The following SETBP1 variants were observed in gnomAD, a reference collection of about 807,000 sequenced individuals.
SETBP1 encodes SET binding protein 1.
Under a neutral mutation model 101.0 loss-of-function variants are expected in SETBP1, and 9 were observed. That is an observed-to-expected ratio of 0.09 (90% CI 0.05 to 0.16). SETBP1 has a LOEUF of 0.16. SETBP1 is among the 10% of genes least tolerant of loss of function. The pLI, the probability that SETBP1 is intolerant of heterozygous loss-of-function variation, is 1.00. For synonymous variants in SETBP1, 818 were observed against 788.5 expected, an observed-to-expected ratio of 1.04 and a Z score of -0.63; for missense variants, 1,858 against 2,033.8, an observed-to-expected ratio of 0.91 and a Z score of 1.66.
In SETBP1 at chr18:44,765,166, C is replaced by T. The variant is rs531981701; in HGVS notation, c.486+63334C>T. Among the ~76,000 whole-genome samples, 251 of 152,246 alleles carry T rather than the reference C, an allele frequency of 1.6e-3. 1 individual carries two copies. The highest frequency in any genetic ancestry group is 5.9e-3 in the African/African-American group (245 of 41,540). The stretch of plus-strand genomic sequence containing the variant: ...AAATTCACCTAGAGCTCACAAACCA[C>T]ACTTTCCTTGTGTGTTGAATGGGTG... On this transcript the variant is annotated intron_variant, in intron 2 of 5. Coordinates refer to ENST00000649279, the MANE Select transcript of SETBP1 (RefSeq NM_015559.3).
At chr18:44,877,159 G>T (rs546134181) in intron 3 of SETBP1, 3 of 978,246 alleles carry the variant, frequency 3.1e-6, no homozygotes, top group East Asian at 2.2e-4. Flanking sequence ...GCCACAGCTG[G>T]CCTGTCAAGT....
At chr18:45,018,880 T>C (rs2073002495) in intron 4 of SETBP1, among the ~76,000 whole-genome samples, 1 of 152,172 alleles carries the variant, frequency 6.6e-6, no homozygotes. Context: ...GTGGAAGTTC[T>C]GAGTAAGGGA....
chr18:44,952,748 G>A lies in SETBP1; in HGVS notation c.3408G>A (p.Lys1136=), dbSNP rs745542320. 6.2e-7 allele frequency: 1 copy of A among 1,614,076 alleles called. No individual in the cohort carries two copies. The highest frequency in any genetic ancestry group is 1.1e-5 in the South Asian group (1 of 91,076). The change falls in exon 4 of 6, where the codon AAG becomes AAA. Residue 1136 remains lysine, a synonymous_variant. Coordinates refer to ENST00000649279, the MANE Select transcript of SETBP1 (RefSeq NM_015559.3). The stretch of plus-strand genomic sequence containing the variant: ...TGCAGCCTTCTCTGAACCCTCCCAA[G>A]GTAGGCAGTGCCAGTCTGTCCAGTG... ...GDMQPSLNPP[K]VGSASLSSGR...
rs114616599 is a variant in SETBP1, at chr18:44,792,262, G to T, written c.487-76968G>T. Among the ~76,000 whole-genome samples, 516 of 152,266 alleles carry T rather than the reference G, an allele frequency of 3.4e-3. 5 individuals are homozygous for T. The highest frequency in any genetic ancestry group is 0.012 in the African/African-American group (495 of 41,556). The stretch of plus-strand genomic sequence containing the variant: ...TCATGCTGGAAAATACAGAGGCTTG[G>T]CCTGCACGGAAATATGGGGAAAGGT... On this transcript the variant is annotated intron_variant, in intron 2 of 5. Coordinates refer to ENST00000649279, the MANE Select transcript of SETBP1 (RefSeq NM_015559.3).
chr18:44,935,777 A>G (rs1408334578), intron 3 of SETBP1, among the ~76,000 whole-genome samples: 3 of 152,204 alleles, frequency 2.0e-5, no homozygotes, highest in Non-Finnish European at 4.4e-5. Flanking sequence ...GGCCAGGTTA[A>G]TGATCCTCTC....
rs2073989204 is a variant in SETBP1, at chr18:45,067,886, A to C, written c.*4188A>C. 6.6e-6 allele frequency: 1 copy of C among 152,152 alleles called. No homozygotes were observed. Among genetic ancestry groups the C allele is most frequent in the Non-Finnish European group, 1.5e-5 (1 of 68,018 alleles). 9.4% of individuals were successfully genotyped at this position (152,152 alleles called of 1,614,324 possible). A position where few individuals can be genotyped will look rare whatever the true frequency, so the allele number is the denominator to read the frequency against. On this transcript the variant is annotated 3_prime_UTR_variant, in exon 6 of 6. Transcript: ENST00000649279. Reference sequence around the variant, plus strand: ...ACACTAAAGGGGGGAAATTGAAAGGAGCTGCCAACTGGTCAACGTGGAAGG... The same window carrying C: ...ACACTAAAGGGGGGAAATTGAAAGGCGCTGCCAACTGGTCAACGTGGAAGG...
At chr18:44,991,371 T>G (rs1328000736) in intron 4 of SETBP1, among the ~76,000 whole-genome samples, 1 of 152,022 alleles carries the variant, frequency 6.6e-6, no homozygotes, top group Non-Finnish European at 1.5e-5. Context: ...TCTTCAAATT[T>G]ATAATCTAGA....
chr18:44,790,237 T>TA lies in SETBP1; in HGVS notation c.487-78983dup, dbSNP rs559191473. 5.4e-4 allele frequency among the ~76,000 whole-genome samples: 81 copies of TA among 150,334 alleles called. 1 individual carries two copies. Among genetic ancestry groups the TA allele is most frequent in the African/African-American group, 1.0e-3 (42 of 41,066 alleles). ...ACTTAAAAAATAACACAACAACAAT[T>TA]AAAAAAAAAATCTCAACCAAATCAA... On this transcript the variant is annotated intron_variant, in intron 2 of 5. Transcript: ENST00000649279.
intron 2 of SETBP1, among the ~76,000 whole-genome samples, chr18:44,738,603 A>G (rs1297896390): frequency 2.0e-5 from 3 of 152,012 alleles, no homozygotes; most frequent in Non-Finnish European, 4.4e-5. Flanking sequence ...GTGAAACTCC[A>G]TCTCTACTAA....
intron 1 of SETBP1, among the ~76,000 whole-genome samples, chr18:44,682,009 C>T (rs2068767702): frequency 6.6e-6 from 1 of 152,136 alleles, no homozygotes; most frequent in South Asian, 2.1e-4. Context: ...AGTTGGAGTC[C>T]ACTGGCGTTG....
intron 4 of SETBP1, among the ~76,000 whole-genome samples, chr18:45,024,535 T>A (rs1350962302): frequency 6.6e-6 from 1 of 152,208 alleles, no homozygotes. Flanking sequence ...CACTGTACAC[T>A]TCTGTAAACT....
intron 4 of SETBP1, among the ~76,000 whole-genome samples, chr18:44,974,401 G>T (rs1321097840): frequency 6.6e-6 from 1 of 152,212 alleles, no homozygotes; most frequent in Non-Finnish European, 1.5e-5. Context: ...AGGGGAGGGA[G>T]ATGAGAGTAG....
At chr18:44,725,229 A>G (rs993599240) in intron 2 of SETBP1, among the ~76,000 whole-genome samples, 3 of 152,178 alleles carry the variant, frequency 2.0e-5, no homozygotes, top group African/African-American at 4.8e-5. Flanking sequence ...TCTTTTCAAC[A>G]TCTAAATCTG....
intron 2 of SETBP1, among the ~76,000 whole-genome samples, chr18:44,710,465 T>G (rs1183724845): frequency 6.6e-6 from 1 of 150,716 alleles, no homozygotes; most frequent in Non-Finnish European, 1.5e-5. Flanking sequence ...TTTTTTTTTT[T>G]TTTTGAGATG....
At chr18:44,988,051 A>G (rs889226629) in intron 4 of SETBP1, 2 of 152,202 alleles carry the variant, frequency 1.3e-5, no homozygotes, top group African/African-American at 4.8e-5. Flanking sequence ...TTACAGCTAC[A>G]TAGTTCTTTT....
At chr18:45,003,750 G>A (rs1346050297) in intron 4 of SETBP1, among the ~76,000 whole-genome samples, 1 of 151,382 alleles carries the variant, frequency 6.6e-6, no homozygotes, top group Non-Finnish European at 1.5e-5. Context: ...ATCTTCACAA[G>A]GTCTAGTTGC....
At chr18:45,020,650 A>G (rs1008864480) in intron 4 of SETBP1, among the ~76,000 whole-genome samples, 1 of 152,172 alleles carries the variant, frequency 6.6e-6, no homozygotes, top group Admixed American at 6.5e-5. Context: ...AAAAGCAGTA[A>G]CATGCTCAAA....
chr18:44,866,291 G>A (rs758068276), intron 2 of SETBP1, among the ~76,000 whole-genome samples: 4 of 152,168 alleles, frequency 2.6e-5, no homozygotes, highest in Non-Finnish European at 4.4e-5. Flanking sequence ...CATGCTAGGC[G>A]CTGAGTGCTG....
chr18:44,924,397 C>T (rs2070651607), intron 3 of SETBP1, among the ~76,000 whole-genome samples: 1 of 152,146 alleles, frequency 6.6e-6, no homozygotes, highest in Non-Finnish European at 1.5e-5. Flanking sequence ...GTATTTAGAG[C>T]TTTGAAGAGT....
Sources: allele counts gnomAD v4.1 joint callset (sites outside exome capture counted in the v4.1 genomes callset), GRCh38; gene constraint gnomAD v4.1.1; transcripts MANE v1.5; gene names NCBI Gene and HGNC (gene_info 2026-07-23, HGNC 2026-07-21).